Variants in BOLL observed in about 807,000 individuals in gnomAD.
The protein encoded by BOLL is boule RNA binding protein, also known as protein boule-like.
A neutral mutation model predicts 44.4 loss-of-function variants in BOLL; 23 were observed. The observed-to-expected ratio is 0.52, with a 90% confidence interval of 0.37 to 0.73. The LOEUF is 0.73. Among genes scored for constraint, BOLL ranks in the 30% least tolerant of loss-of-function variants. BOLL has a pLI of 0.00. For missense variants in BOLL, 287 were observed against 338.3 expected (o/e 0.85, Z 1.19); for synonymous variants, 97 against 110.8 (o/e 0.88, Z 0.78).
intron 3 of BOLL, among the ~76,000 whole-genome samples, chr2:197,777,421 A>C (rs1689570075): frequency 6.6e-6 from 1 of 152,042 alleles, no homozygotes; most frequent in Non-Finnish European, 1.5e-5. Context: ...AATAAATTTC[A>C]ATCCAGAGCA....
intron 10 of BOLL, among the ~76,000 whole-genome samples, chr2:197,732,103 C>A (rs1217933016): frequency 2.7e-5 from 4 of 149,834 alleles, no homozygotes; most frequent in African/African-American, 9.9e-5. Context: ...ATCAAATAGA[C>A]GCAATAAAAA....
rs1037613473 is a variant in BOLL at position 197,757,327 on chromosome 2, A to T, written c.600+26T>A. Reference sequence around the variant, plus strand: ...GAATATAATGAAAGAAGGATTTAAAATTATATATTGAAAGTTAACATTTAC... The same window carrying T: ...GAATATAATGAAAGAAGGATTTAAATTTATATATTGAAAGTTAACATTTAC... On this transcript the variant is annotated intron_variant, in intron 8 of 10. Coordinates refer to ENST00000392296, the MANE Select transcript of BOLL (RefSeq NM_033030.6). 3 of 1,585,134 alleles carry T rather than the reference A, an allele frequency of 1.9e-6. No individual in the cohort carries two copies. In the African/African-American group the frequency reaches 4.1e-5, roughly 21 times the overall value.
upstream of BOLL, chr2:197,785,975 G>T (rs761420731): frequency 3.7e-6 from 6 of 1,603,390 alleles, no homozygotes; most frequent in East Asian, 6.7e-5. This position sits in a 1 kb window ranked among gnomAD's most constrained non-coding sequence, Gnocchi z 6.7. Context: ...CCTGATCGCC[G>T]TACTCACCGG....
intron 1 of BOLL, 91 bp downstream of exon 1, chr2:197,784,965 A>G: frequency 1.0e-6 from 1 of 985,918 alleles, no homozygotes; most frequent in African/African-American, 1.7e-5. Flanking sequence ...CTCCAAAGCA[A>G]TGTGCCCTCA....
At chr2:197,744,097 T>C (rs1656334) in intron 9 of BOLL, among the ~76,000 whole-genome samples, 151,609 of 152,364 alleles carry the variant, frequency 1, 75,430 homozygotes, top group Middle Eastern at 1. Context: ...GCGTGAGCCA[T>C]TGCGCCCAGC....
rs777311633 is a variant in BOLL, at chr2:197,779,081, A to G, written c.130-15T>C. The stretch of plus-strand genomic sequence containing the variant: ...CTTTCGTTTGTCTAATGGCATAAAA[A>G]GAAAACGTTAAAAAGCATTTTTAGT... On this transcript the variant is annotated splice_polypyrimidine_tract_variant and intron_variant, in intron 2 of 10. Transcript: ENST00000392296. 1.9e-6 allele frequency: 3 copies of G among 1,570,644 alleles called. No homozygotes were observed. The African/African-American group carries it at 4.1e-5, about 21-fold the overall frequency.
At chr2:197,783,282 C>G (rs1460271993) in intron 1 of BOLL, among the ~76,000 whole-genome samples, 2 of 152,038 alleles carry the variant, frequency 1.3e-5, no homozygotes, top group African/African-American at 4.8e-5. Flanking sequence ...AAGAAAGACC[C>G]CATCTCAAAA....
At chr2:197,759,114 A>G in intron 7 of BOLL, 1 of 822,210 alleles carries the variant, frequency 1.2e-6, no homozygotes, top group Non-Finnish European at 1.9e-6. Flanking sequence ...ACTAAGGCAA[A>G]GAATAAACAG....
At chr2:197,750,019 A>C (rs993810171) in intron 9 of BOLL, among the ~76,000 whole-genome samples, 1 of 152,234 alleles carries the variant, frequency 6.6e-6, no homozygotes, top group African/African-American at 2.4e-5. Context: ...AAGAATTTTC[A>C]ACCCAGAATT....
intron 10 of BOLL, among the ~76,000 whole-genome samples, chr2:197,741,027 G>C (rs1013978159): frequency 2.0e-5 from 3 of 152,092 alleles, no homozygotes; most frequent in Non-Finnish European, 2.9e-5. Context: ...GAAAGCCATT[G>C]GTAGCTTGAT....
chr2:197,783,867 T>G (rs1302640461), intron 1 of BOLL, among the ~76,000 whole-genome samples: 1 of 152,238 alleles, frequency 6.6e-6, no homozygotes, highest in Non-Finnish European at 1.5e-5. Context: ...CAAAATTACC[T>G]ATTTGCTAAA....
intron 9 of BOLL, among the ~76,000 whole-genome samples, chr2:197,749,213 C>T (rs541779020): frequency 5.3e-5 from 8 of 152,140 alleles, no homozygotes; most frequent in Non-Finnish European, 7.4e-5. Flanking sequence ...AGGACATCCA[C>T]GCAAAAACCC....
chr2:197,783,936 C>A (rs776432239), intron 1 of BOLL, among the ~76,000 whole-genome samples: 2 of 152,032 alleles, frequency 1.3e-5, no homozygotes, highest in Non-Finnish European at 2.9e-5. Context: ...CTAATATGTT[C>A]GCAAGTTTAA....
chr2:197,743,293 T>A lies in BOLL; in HGVS notation c.730-134A>T, dbSNP rs1687842217. 3 of 526,260 alleles carry A rather than the reference T, an allele frequency of 5.7e-6. No homozygotes were observed. In the South Asian group the frequency reaches 1.3e-4, roughly 24 times the overall value. 32.6% of individuals were successfully genotyped at this position (526,260 alleles called of 1,614,324 possible). On this transcript the variant is annotated intron_variant, in intron 9 of 10. Coordinates refer to ENST00000392296, the MANE Select transcript of BOLL (RefSeq NM_033030.6). ...TAAAAACACATGCCCTTATGTTTAA[T>A]TAACTTATAATCTGATGAGTTAATA... is the stretch of plus-strand genomic sequence containing the variant.
intron 2 of BOLL, among the ~76,000 whole-genome samples, chr2:197,780,941 G>T (rs1192387268): frequency 2.0e-5 from 3 of 151,922 alleles, no homozygotes. Context: ...CCCCTATGTG[G>T]GCTGGGGGGC....
chr2:197,757,758 G>A (rs1688582663), intron 7 of BOLL, among the ~76,000 whole-genome samples: 1 of 152,062 alleles, frequency 6.6e-6, no homozygotes, highest in South Asian at 2.1e-4. Flanking sequence ...CAGGATGAGA[G>A]AAAACATGGA....
At chr2:197,740,590 C>A (rs1687684330) in intron 10 of BOLL, among the ~76,000 whole-genome samples, 1 of 152,102 alleles carries the variant, frequency 6.6e-6, no homozygotes, top group Admixed American at 6.6e-5. Flanking sequence ...AAAAGGAGAT[C>A]ATTAATTGTT....
intron 10 of BOLL, among the ~76,000 whole-genome samples, chr2:197,730,954 C>G (rs1271758671): frequency 6.6e-6 from 1 of 151,386 alleles, no homozygotes; most frequent in Non-Finnish European, 1.5e-5. Context: ...ATCAAATTCA[C>G]ACATAACAAT....
chr2:197,744,060 C>T (rs1370362832), intron 9 of BOLL, among the ~76,000 whole-genome samples: 4 of 152,214 alleles, frequency 2.6e-5, no homozygotes, highest in South Asian at 2.1e-4. Flanking sequence ...CCACCCGCCT[C>T]GGCCTCCCAA....
Sources: allele counts gnomAD v4.1 joint callset (sites outside exome capture counted in the v4.1 genomes callset), GRCh38; gene constraint gnomAD v4.1.1; non-coding constraint Gnocchi (gnomAD v3.1); transcripts MANE v1.5; gene names NCBI Gene and HGNC (gene_info 2026-07-23, HGNC 2026-07-21).